Variants in PEAK1 observed in about 807,000 individuals in gnomAD.
PEAK1 encodes pseudopodium enriched atypical kinase 1.
In PEAK1, 54 loss-of-function variants were observed where a neutral mutation model predicts 124.7. That is an observed-to-expected ratio of 0.43 (90% CI 0.35 to 0.54). The LOEUF is 0.54. PEAK1 is among the 20% of genes least tolerant of loss of function. PEAK1 has a pLI of 0.01. For missense variants in PEAK1, 2,046 were observed against 2,134.5 expected, an observed-to-expected ratio of 0.96 and a Z score of 0.82; for synonymous variants, 719 against 760.0, an observed-to-expected ratio of 0.95 and a Z score of 0.89.
chr15:77,263,225 CTAG>C (rs1439942908), intron 5 of PEAK1, among the ~76,000 whole-genome samples: 1 of 151,928 alleles, frequency 6.6e-6, no homozygotes, highest in Non-Finnish European at 1.5e-5. Context: ...CATTCAAAAG[CTAG>C]TAGAAGGCAA....
intron 2 of PEAK1, among the ~76,000 whole-genome samples, chr15:77,324,757 T>G (rs1196442537): frequency 1.3e-5 from 2 of 152,106 alleles, no homozygotes; most frequent in African/African-American, 4.8e-5. Flanking sequence ...GACCAGATCT[T>G]GCAAGAACTC....
intron 9 of PEAK1, among the ~76,000 whole-genome samples, chr15:77,116,422 A>G (rs2152713147): frequency 6.6e-6 from 1 of 152,328 alleles, no homozygotes; most frequent in East Asian, 1.9e-4. Flanking sequence ...GTTTATTACA[A>G]TAATACAGAA....
At chr15:77,258,035 T>G (rs1330189211) in intron 5 of PEAK1, among the ~76,000 whole-genome samples, 2 of 152,186 alleles carry the variant, frequency 1.3e-5, no homozygotes, top group Admixed American at 1.3e-4. Context: ...ATCAGATAGT[T>G]GTAGACATGC....
At chr15:77,199,704 C>G (rs1823126716) in intron 6 of PEAK1, among the ~76,000 whole-genome samples, 1 of 152,104 alleles carries the variant, frequency 6.6e-6, no homozygotes, top group African/African-American at 2.4e-5. Flanking sequence ...CGAGATATGG[C>G]TCTTGGAGAC....
intron 5 of PEAK1, among the ~76,000 whole-genome samples, chr15:77,273,239 C>T (rs952771693): frequency 6.6e-6 from 1 of 152,134 alleles, no homozygotes; most frequent in Non-Finnish European, 1.5e-5. Context: ...CACTTCTATT[C>T]AACATAGTAC....
rs567415816 is a variant in PEAK1, at chr15:77,142,685, T to C, written c.3332-8935A>G. Among the ~76,000 whole-genome samples the C allele has an allele frequency of 5.5e-3, 833 of 152,274 alleles. 3 individuals carry two copies. Among genetic ancestry groups the C allele is most frequent in the Non-Finnish European group, 9.5e-3 (648 of 68,002 alleles). On this transcript the variant is annotated intron_variant, in intron 8 of 9. Transcript: ENST00000682557. ...AAAACATGGAAAAACCTTGAAAACATGGAAAAACCTTGAAAACATTATGCT... is the reference window on the plus strand; with the variant it reads ...AAAACATGGAAAAACCTTGAAAACACGGAAAAACCTTGAAAACATTATGCT...
intron 8 of PEAK1, among the ~76,000 whole-genome samples, chr15:77,137,725 T>C (rs369876239): frequency 6.6e-6 from 1 of 152,230 alleles, no homozygotes; most frequent in Non-Finnish European, 1.5e-5. Context: ...GATGAGACTT[T>C]GGACTATGGA....
At chr15:77,348,577 T>G in intron 2 of PEAK1, 5 of 972,256 alleles carry the variant, frequency 5.1e-6, no homozygotes, top group Non-Finnish European at 6.1e-6. Flanking sequence ...CAGCCCAGAG[T>G]TGAAAAAGCA....
At chr15:77,116,072 G>A (rs1200377747) in intron 9 of PEAK1, among the ~76,000 whole-genome samples, 1 of 152,116 alleles carries the variant, frequency 6.6e-6, no homozygotes, top group Non-Finnish European at 1.5e-5. Context: ...ACTTTACTAA[G>A]TGGTTATGGA....
chr15:77,126,707 G>A (rs971344455), intron 9 of PEAK1, among the ~76,000 whole-genome samples: 6 of 152,190 alleles, frequency 3.9e-5, no homozygotes. Flanking sequence ...ACCAAGAGAG[G>A]CGCATGACTT....
intron 6 of PEAK1, among the ~76,000 whole-genome samples, chr15:77,220,405 A>G (rs1325573892): frequency 6.6e-6 from 1 of 151,878 alleles, no homozygotes; most frequent in Non-Finnish European, 1.5e-5. Context: ...CATCCCTTTT[A>G]TCAACATATG....
chr15:77,406,938 T>C (rs1595867549), intron 1 of PEAK1, among the ~76,000 whole-genome samples: 1 of 152,002 alleles, frequency 6.6e-6, no homozygotes, highest in African/African-American at 2.4e-5. Flanking sequence ...GTAGACCAAT[T>C]TGAACAGAAC....
intron 1 of PEAK1, chr15:77,402,020 G>A: frequency 2.6e-6 from 2 of 757,212 alleles, no homozygotes; most frequent in Non-Finnish European, 3.2e-6. Context: ...CCAACATGGT[G>A]AAACCCCAGC....
chr15:77,148,306 G>T (rs1474826793), intron 8 of PEAK1, among the ~76,000 whole-genome samples: 1 of 152,078 alleles, frequency 6.6e-6, no homozygotes, highest in Non-Finnish European at 1.5e-5. Context: ...TTTTTAAATG[G>T]AGTTTTTTAA....
chr15:77,354,916 G>A (rs963678671), intron 2 of PEAK1, among the ~76,000 whole-genome samples: 3 of 152,018 alleles, frequency 2.0e-5, no homozygotes, highest in African/African-American at 4.8e-5. Context: ...GTGGGCACCT[G>A]TAGTCCCAGC....
intron 6 of PEAK1, among the ~76,000 whole-genome samples, chr15:77,227,216 T>C (rs2059717410): frequency 6.6e-6 from 1 of 152,222 alleles, no homozygotes; most frequent in Non-Finnish European, 1.5e-5. Context: ...TTTATCATTT[T>C]GTAATTACTT....
chr15:77,321,185 T>C (rs541645505), intron 2 of PEAK1, among the ~76,000 whole-genome samples: 40 of 152,358 alleles, frequency 2.6e-4, no homozygotes, highest in Middle Eastern at 3.4e-3. Flanking sequence ...AGTAATGGGA[T>C]GGCTGGGTCA....
intron 2 of PEAK1, among the ~76,000 whole-genome samples, chr15:77,313,158 T>A (rs1006107730): frequency 6.6e-6 from 1 of 152,076 alleles, no homozygotes; most frequent in African/African-American, 2.4e-5. Context: ...TGTCAGAAAA[T>A]TTTTTAAATG....
At chr15:77,352,551 C>T (rs1196744674) in intron 2 of PEAK1, 3 of 958,066 alleles carry the variant, frequency 3.1e-6, no homozygotes, top group Non-Finnish European at 3.7e-6. Flanking sequence ...AATATATATA[C>T]TTTAGAAATA....
Sources: gnomAD v4.1 joint callset for allele counts (sites outside exome capture counted in the v4.1 genomes callset) on GRCh38, gnomAD v4.1.1 for gene constraint, MANE v1.5 for transcripts, NCBI Gene and HGNC (gene_info 2026-07-23, HGNC 2026-07-21) for gene names.